Variants in GPX4 observed in about 807,000 individuals in gnomAD.
GPX4 encodes phospholipid hydroperoxide glutathione peroxidase GPX4.
A neutral mutation model predicts 27.8 loss-of-function variants in GPX4; 28 were observed. The observed-to-expected ratio is 1.01, with a 90% CI of 0.75 to 1.38. The LOEUF is 1.38. Among genes scored for constraint, GPX4 ranks in the 40% most tolerant of loss-of-function variants. The pLI is 0.00. For synonymous variants in GPX4, 163 were observed against 107.8 expected (o/e 1.51, Z -3.17); for missense variants, 357 against 274.1 (o/e 1.30, Z -2.14).
At chr19:1,104,702 G>T (rs1305690465) in intron 1 of GPX4, 3 of 985,084 alleles carry the variant, frequency 3.0e-6, no homozygotes, top group Middle Eastern at 5.2e-4. Flanking sequence ...CGCTCGGGGT[G>T]GGGGAGCCAG....
At chr19:1,105,551 T>TG (rs755952596) in intron 3 of GPX4, 41 bp downstream of exon 3, 1 of 714,868 alleles carries the variant, frequency 1.4e-6, no homozygotes, top group Non-Finnish European at 2.2e-6. Flanking sequence ...GGCGGGTGGG[T>TG]GGGGGTCGGG....
intron 1 of GPX4, chr19:1,104,532 C>A: frequency 3.0e-6 from 2 of 669,600 alleles, no homozygotes; most frequent in Non-Finnish European, 1.9e-6. Flanking sequence ...CCGGGCCGAG[C>A]GGGGCTGCTG....
chr19:1,106,134 T>G (rs766655878), intron 4 of GPX4, 108 bp from the exon 5 acceptor site: 1 of 1,060,130 alleles, frequency 9.4e-7, no homozygotes. Context: ...ACTGTGGCTG[T>G]GGAGGCAGCC....
At chr19:1,104,899 G>C (rs1223691859) in intron 1 of GPX4, 1 of 1,359,628 alleles carries the variant, frequency 7.4e-7, no homozygotes, top group Non-Finnish European at 9.6e-7. Context: ...TGCGACCGGA[G>C]ATCCACGAAT....
Position 1,105,355 on chromosome 19 carries a change from G to T in GPX4, c.180-11G>T, listed in dbSNP as rs754417099. 4.6e-5 allele frequency: 74 copies of T among 1,611,334 alleles called. No individual in the cohort carries two copies. Among genetic ancestry groups the T allele is most frequent in the Non-Finnish European group, 6.1e-5 (72 of 1,178,902 alleles). ...CGTGTTCTTCTGCGCTGACGCCGCC[G>T]ATCCTCGCAGGGGCTTCGTGTGCAT... On this transcript the variant is annotated splice_polypyrimidine_tract_variant and intron_variant, in intron 2 of 6. Coordinates refer to ENST00000354171, the MANE Select transcript of GPX4 (RefSeq NM_002085.5).
At chr19:1,104,886 G>A (rs1477492120) in intron 1 of GPX4, 4 of 1,324,554 alleles carry the variant, frequency 3.0e-6, no homozygotes, top group Non-Finnish European at 3.9e-6. Context: ...TGTCCCCGCA[G>A]CTTGCGACCG....
intron 1 of GPX4, chr19:1,104,944 C>T: frequency 2.0e-6 from 3 of 1,471,462 alleles, no homozygotes; most frequent in Non-Finnish European, 2.7e-6. Context: ...GCGCGGGGCC[C>T]CCACACCGGC....
chr19:1,106,325 T>C, intron 5 of GPX4, 59 bp downstream of exon 5: 8 of 1,608,226 alleles, frequency 5.0e-6, no homozygotes, highest in Non-Finnish European at 6.8e-6. Flanking sequence ...GTGGCCCAGA[T>C]GGGCAGCGGA....
At chr19:1,105,959 G>C in intron 4 of GPX4, 150 bp downstream of exon 4, 1 of 957,684 alleles carries the variant, frequency 1.0e-6, no homozygotes, top group Non-Finnish European at 1.5e-6. Context: ...CCTCCTGGGG[G>C]TAAGATGGCT....
At chr19:1,105,852 G>A (rs1213090841) in intron 4 of GPX4, 43 bp downstream of exon 4, 3 of 1,489,970 alleles carry the variant, frequency 2.0e-6, no homozygotes, top group Non-Finnish European at 2.7e-6. Context: ...GGGTGGGGGT[G>A]GGGGGGCTGC....
chr19:1,105,375 G>C lies in GPX4; in HGVS notation c.189G>C (p.Val63=), dbSNP rs1599808479. ...MVNLDKYRGF[V]CIVTNVASQU... is the part of the protein sequence containing the mutation. ...CCGCCGATCCTCGCAGGGGCTTCGT[G>C]TGCATCGTCACCAACGTGGCCTCCC... The change falls in exon 3 of 7, where the codon GTG becomes GTC. Residue 63 remains valine, a synonymous_variant. Coordinates refer to ENST00000354171, the MANE Select transcript of GPX4 (RefSeq NM_002085.5). 1.2e-6 allele frequency: 2 copies of C among 1,610,564 alleles called. No homozygotes were observed. The highest frequency in any genetic ancestry group is 1.3e-5 in the African/African-American group (1 of 74,888).
chr19:1,104,220 C>T, intron 1 of GPX4, 93 bp downstream of exon 1: 6 of 1,126,302 alleles, frequency 5.3e-6, no homozygotes, highest in Non-Finnish European at 7.0e-6. Flanking sequence ...AACCCTCAGG[C>T]TCCAGTGACC....
chr19:1,105,091 CCCCGCCACCGA>C (rs1446040322), intron 1 of GPX4, 84 bp from the exon 2 acceptor site: 39 of 1,517,976 alleles, frequency 2.6e-5, no homozygotes, highest in Non-Finnish European at 3.4e-5. Flanking sequence ...GCCTCGGTGT[CCCCGCCACCGA>C]CCCGCTCCCG....
In GPX4 at chr19:1,105,183, C is replaced by G; in HGVS notation, c.85-3C>G. The G allele has an allele frequency of 6.2e-7, 1 of 1,612,844 alleles. No homozygotes were observed. The highest frequency in any genetic ancestry group is 8.5e-7 in the Non-Finnish European group (1 of 1,179,764). On this transcript the variant is annotated splice_polypyrimidine_tract_variant and splice_region_variant and intron_variant, in intron 1 of 6. Transcript: ENST00000354171. Reference sequence around the variant, plus strand: ...TCCCTGCTCAGCTTCCTTTGCCTTGCAGTGCGCGTCCCGGGACGACTGGCG... The same window carrying G: ...TCCCTGCTCAGCTTCCTTTGCCTTGGAGTGCGCGTCCCGGGACGACTGGCG...
At position 1,106,730 on chromosome 19, in the gene GPX4, C is replaced by T; in HGVS notation, c.*158C>T. ...AGGTCCCATGGCCTGCTGGGCTTGG[C>T]TCGGCGCCCCCACCCCTGGCTACCT... On this transcript the variant is annotated 3_prime_UTR_variant, in exon 7 of 7. Coordinates refer to ENST00000354171, the MANE Select transcript of GPX4 (RefSeq NM_002085.5). The T allele has an allele frequency of 1.1e-6, 1 of 881,558 alleles. No individual in the cohort carries two copies. The highest frequency in any genetic ancestry group is 1.7e-6 in the Non-Finnish European group (1 of 586,440). The allele number at this position is 881,558 out of a possible 1,614,324, so 54.6% of individuals were successfully genotyped here.
At position 1,106,534 on chromosome 19, in the gene GPX4, C is replaced by G. The variant is rs751425206; in HGVS notation, c.562-6C>G. ...GCTGCCCTAACCCAGCTTTCCTCCC[C>G]GACAGGTGATAGAGAAGGACCTGCC... is the stretch of plus-strand genomic sequence containing the variant. On this transcript the variant is annotated splice_polypyrimidine_tract_variant and splice_region_variant and intron_variant, in intron 6 of 6. Transcript: ENST00000354171. 24 of 1,612,960 alleles carry G rather than the reference C, an allele frequency of 1.5e-5. No homozygotes were observed. Among genetic ancestry groups the G allele is most frequent in the African/African-American group, 8.0e-5 (6 of 74,842 alleles).
At chr19:1,104,720 G>A (rs1162690619) in intron 1 of GPX4, 39 of 985,056 alleles carry the variant, frequency 4.0e-5, no homozygotes, top group Admixed American at 6.2e-5. Context: ...CAGGAGGGGC[G>A]GGAGACGGGC....
rs561995303 is a variant in GPX4, at chr19:1,105,106, G to C, written c.85-80G>C. The stretch of plus-strand genomic sequence containing the variant: ...GCCTCGGTGTCCCCGCCACCGACCC[G>C]CTCCCGATCCCTTCCTGCCTCAGGG... On this transcript the variant is annotated intron_variant, in intron 1 of 6. Coordinates refer to ENST00000354171, the MANE Select transcript of GPX4 (RefSeq NM_002085.5). 1.2e-5 allele frequency: 19 copies of C among 1,550,702 alleles called. 1 individual carries two copies. The Admixed American group carries it at 3.0e-4, about 25-fold the overall frequency.
chr19:1,104,761 C>T lies in GPX4; in HGVS notation c.85-425C>T, dbSNP rs1048941130. On this transcript the variant is annotated intron_variant, in intron 1 of 6. Transcript: ENST00000354171. ...TGGGCCGCGCGGGCGCAGGCTCCCC[C>T]GGGCGCCGCAGGCAGCGGTGCCAGA... The T allele has an allele frequency of 4.1e-5, 40 of 986,626 alleles. No individual in the cohort carries two copies. In the African/African-American group the frequency reaches 6.5e-4, roughly 16 times the overall value. 61.1% of individuals were successfully genotyped at this position (986,626 alleles called of 1,614,324 possible).
Sources: allele counts gnomAD v4.1 joint callset, GRCh38; gene constraint gnomAD v4.1.1; transcripts MANE v1.5; gene names NCBI Gene and HGNC (gene_info 2026-07-23, HGNC 2026-07-21).